The following MYO3B variants were observed in gnomAD, a reference collection of about 807,000 sequenced individuals.
The protein encoded by MYO3B is myosin IIIB.
Under a neutral mutation model 174.6 loss-of-function variants are expected in MYO3B, and 156 were observed. That is an observed-to-expected ratio of 0.89 (90% CI 0.78 to 1.02). MYO3B has a LOEUF of 1.02. MYO3B is among the 50% of genes least tolerant of loss of function. The pLI is 0.00. For missense variants in MYO3B, 1,632 were observed against 1,639.4 expected (o/e 1.00, Z 0.08); for synonymous variants, 563 against 569.1 (o/e 0.99, Z 0.15).
intron 9 of MYO3B, among the ~76,000 whole-genome samples, chr2:170,381,274 T>C (rs981096397): frequency 2.0e-5 from 3 of 152,264 alleles, no homozygotes; most frequent in Admixed American, 1.3e-4. Flanking sequence ...GGTAGATAGG[T>C]AGATAGATAG....
chr2:170,635,457 C>T (rs565156216), intron 32 of MYO3B, among the ~76,000 whole-genome samples: 1 of 151,912 alleles, frequency 6.6e-6, no homozygotes, highest in South Asian at 2.1e-4. Context: ...CACCAGGGGC[C>T]TGTCGTGGGG....
chr2:170,353,417 G>A (rs1035399097), intron 8 of MYO3B, among the ~76,000 whole-genome samples: 4 of 152,026 alleles, frequency 2.6e-5, no homozygotes, highest in Admixed American at 6.6e-5. Flanking sequence ...GGGAGGGAGG[G>A]GAAGAACAGG....
At position 170,445,402 on chromosome 2, in the gene MYO3B, C is replaced by T. The variant is rs376236198; in HGVS notation, c.2730+1356C>T. Among the ~76,000 whole-genome samples the T allele has an allele frequency of 4.1e-3, 629 of 152,078 alleles. 2 individuals are homozygous for T. Among genetic ancestry groups the T allele is most frequent in the African/African-American group, 0.013 (538 of 41,478 alleles). ...TGTTGCCCAGGCTGGAGTGCAATGG[C>T]GTGATCTTGGCTCACCACAACCTCT... On this transcript the variant is annotated intron_variant, in intron 23 of 34. Transcript: ENST00000408978.
chr2:170,246,161 T>G (rs2093186632), intron 7 of MYO3B, among the ~76,000 whole-genome samples: 1 of 152,194 alleles, frequency 6.6e-6, no homozygotes. Context: ...CTTGTTTGTT[T>G]TTTTGTTGAT....
intron 32 of MYO3B, among the ~76,000 whole-genome samples, chr2:170,632,027 C>T (rs187190945): frequency 6.6e-6 from 1 of 151,896 alleles, no homozygotes; most frequent in Non-Finnish European, 1.5e-5. Context: ...GACTCCCACA[C>T]AATAATAGTG....
In MYO3B at chr2:170,444,045, A is replaced by T; in HGVS notation, c.2729A>T (p.Lys910Met). 1 of 1,612,464 alleles carries T rather than the reference A, an allele frequency of 6.2e-7. No homozygotes were observed. Among genetic ancestry groups the T allele is most frequent in the Middle Eastern group, 1.7e-4 (1 of 6,050 alleles). Residue 910 changes from lysine to methionine, a missense_variant and splice_region_variant, in exon 23 of 35, where the codon AAG (lysine) becomes ATG (methionine). Coordinates refer to ENST00000408978, the MANE Select transcript of MYO3B (RefSeq NM_138995.5). ...CCACATTTCAGTGCTGGGAAAGCCA[A>T]GGTGAGTAACAGATTTGCACCAAAT... ...LPPHFSAGKA[K>M]VDTLEVIRHP... is the part of the protein sequence containing the mutation.
At position 170,400,829 on chromosome 2, in the gene MYO3B, G is replaced by GGTTTT. The variant is rs60401794; in HGVS notation, c.1918+515_1918+516insGTTTT. On this transcript the variant is annotated intron_variant, in intron 17 of 34. Transcript: ENST00000408978. ...TCTATGGCAGGTAATTTTGAGCAGT[G>GGTTTT]TTTTTTTCTTTTTTTTTTCGAGGCG... Among the ~76,000 whole-genome samples the GGTTTT allele has an allele frequency of 4.3e-3, 642 of 150,908 alleles. 4 individuals carry two copies. The highest frequency in any genetic ancestry group is 0.014 in the African/African-American group (561 of 41,056).
chr2:170,466,731 G>A lies in MYO3B; in HGVS notation c.3014+20G>A, dbSNP rs2105969216. On this transcript the variant is annotated intron_variant, in intron 25 of 34. Transcript: ENST00000408978. ...GAAAAGGTCAGACCGTCATCTACGG[G>A]AATGCATTCTTATAAATGTAGCTCT... 1 of 1,610,508 alleles carries A rather than the reference G, an allele frequency of 6.2e-7. No homozygotes were observed.
intron 1 of MYO3B, among the ~76,000 whole-genome samples, chr2:170,191,649 C>T (rs1326575494): frequency 6.6e-6 from 1 of 152,142 alleles, no homozygotes. Context: ...TCACTGTGCT[C>T]TCCCTCCCGC....
At chr2:170,633,613 C>G (rs1697215884) in intron 32 of MYO3B, among the ~76,000 whole-genome samples, 1 of 152,180 alleles carries the variant, frequency 6.6e-6, no homozygotes, top group Non-Finnish European at 1.5e-5. Flanking sequence ...GTTGGAAGTT[C>G]TGGCCAGGGC....
chr2:170,286,459 T>C (rs1320171174), intron 7 of MYO3B, among the ~76,000 whole-genome samples: 1 of 152,202 alleles, frequency 6.6e-6, no homozygotes, highest in Non-Finnish European at 1.5e-5. Context: ...CCCATTTATA[T>C]CTATTTAGAG....
At chr2:170,498,764 G>A (rs1687042803) in intron 26 of MYO3B, 61 bp downstream of exon 26, 50 of 1,082,460 alleles carry the variant, frequency 4.6e-5, no homozygotes, top group Non-Finnish European at 6.4e-5. Context: ...TGTCAGTGAT[G>A]TCACTGGCAT....
At chr2:170,361,964 G>C (rs923961526) in intron 8 of MYO3B, among the ~76,000 whole-genome samples, 1 of 152,110 alleles carries the variant, frequency 6.6e-6, no homozygotes, top group Non-Finnish European at 1.5e-5. Context: ...ATTGACCAAG[G>C]GCTTAGAGAT....
At chr2:170,374,044 A>C (rs1180014945) in intron 9 of MYO3B, among the ~76,000 whole-genome samples, 2 of 152,224 alleles carry the variant, frequency 1.3e-5, no homozygotes, top group East Asian at 3.9e-4. Flanking sequence ...AAGATAATGC[A>C]TGTAGAGCAT....
intron 32 of MYO3B, among the ~76,000 whole-genome samples, chr2:170,569,275 T>G (rs147515185): frequency 3.3e-5 from 5 of 152,234 alleles, no homozygotes; most frequent in Admixed American, 1.3e-4. Context: ...AGTCTCACTT[T>G]TGCATCTCCC....
At chr2:170,639,112 C>T (rs531173653) in intron 32 of MYO3B, among the ~76,000 whole-genome samples, 1 of 152,320 alleles carries the variant, frequency 6.6e-6, no homozygotes, top group South Asian at 2.1e-4. Context: ...GTCCCATATC[C>T]GCAAGCACTT....
chr2:170,589,544 C>CA (rs933234149), intron 32 of MYO3B, among the ~76,000 whole-genome samples: 23 of 149,638 alleles, frequency 1.5e-4, no homozygotes, highest in African/African-American at 5.4e-4. Context: ...TAGTTTTTAA[C>CA]AAAAAAAAGT....
rs538538870 is a variant in MYO3B at position 170,438,922 on chromosome 2, G to A, written c.2651-5045G>A. On this transcript the variant is annotated intron_variant, in intron 22 of 34. Coordinates refer to ENST00000408978, the MANE Select transcript of MYO3B (RefSeq NM_138995.5). ...GCTGGGATTACAGGTGTGAGCCACC[G>A]TGCCCGGCCAAGGATGAGGTAATAT... 5.3e-5 allele frequency among the ~76,000 whole-genome samples: 8 copies of A among 151,846 alleles called. No homozygotes were observed. In the East Asian group the frequency reaches 1.2e-3, roughly 22 times the overall value.
intron 28 of MYO3B, among the ~76,000 whole-genome samples, chr2:170,510,576 A>G (rs1687913771): frequency 6.6e-6 from 1 of 152,232 alleles, no homozygotes; most frequent in Admixed American, 6.5e-5. Flanking sequence ...AGTTGGAAAC[A>G]GGATTTTTGC....
Sources: allele counts gnomAD v4.1 joint callset (sites outside exome capture counted in the v4.1 genomes callset), GRCh38; gene constraint gnomAD v4.1.1; transcripts MANE v1.5; gene names NCBI Gene and HGNC (gene_info 2026-07-23, HGNC 2026-07-21).